Variants in NRXN1 observed in about 807,000 individuals in gnomAD.
NRXN1 encodes the protein neurexin-1.
NRXN1 carries 39 observed loss-of-function variants against 150.9 expected under a neutral mutation model. The ratio of observed to expected loss-of-function variants is 0.26; its 90% CI spans 0.20 to 0.34. NRXN1 has a LOEUF of 0.34. Among genes scored for constraint, NRXN1 ranks in the 10% least tolerant of loss-of-function variants. The pLI is 1.00. For missense variants in NRXN1, 1,815 were observed against 1,949.9 expected (o/e 0.93, Z 1.30); for synonymous variants, 924 against 757.0 (o/e 1.22, Z -3.62).
chr2:50,936,257 C>A (rs2104440461), intron 2 of NRXN1, among the ~76,000 whole-genome samples: 1 of 152,212 alleles, frequency 6.6e-6, no homozygotes, highest in South Asian at 2.1e-4. Context: ...TTTAGCCCAA[C>A]CCTGGTATTA....
chr2:50,235,595 A>C (rs1159224523), intron 18 of NRXN1, among the ~76,000 whole-genome samples: 1 of 152,118 alleles, frequency 6.6e-6, no homozygotes. Context: ...AGTTTGTGCT[A>C]ATGTACTTTG....
intron 5 of NRXN1, among the ~76,000 whole-genome samples, chr2:50,895,961 T>A (rs1249094136): frequency 1.3e-5 from 2 of 151,982 alleles, no homozygotes; most frequent in Non-Finnish European, 2.9e-5. Context: ...TCCACAACCC[T>A]CCAAAGCTCC....
intron 18 of NRXN1, among the ~76,000 whole-genome samples, chr2:50,221,961 T>G (rs565840923): frequency 1.3e-5 from 2 of 152,140 alleles, no homozygotes; most frequent in East Asian, 3.9e-4. Flanking sequence ...GTTGACAGTA[T>G]TAATACATTT....
At chr2:50,154,621 G>C (rs1014940172) in intron 18 of NRXN1, among the ~76,000 whole-genome samples, 1 of 151,562 alleles carries the variant, frequency 6.6e-6, no homozygotes, top group Admixed American at 6.6e-5. Context: ...CTTCAATAAA[G>C]AAAGGCTCCT....
At chr2:50,028,018 G>C (rs1056474248) in intron 21 of NRXN1, among the ~76,000 whole-genome samples, 11 of 151,856 alleles carry the variant, frequency 7.2e-5, no homozygotes, top group Admixed American at 6.6e-4. Flanking sequence ...CATAAGTACT[G>C]AGAGCACAGG....
rs1198920494 is a variant in NRXN1 at position 50,538,631 on chromosome 2, T to C, written c.1765A>G (p.Ile589Val). 1.3e-6 allele frequency: 2 copies of C among 1,483,220 alleles called. No individual in the cohort carries two copies. Among genetic ancestry groups the C allele is most frequent in the Non-Finnish European group, 1.8e-6 (2 of 1,114,428 alleles). 91.9% of individuals were successfully genotyped at this position (1,483,220 alleles called of 1,614,324 possible). Residue 589 changes from isoleucine (I) to valine (V), a missense_variant, in exon 10 of 23, where the codon ATT (isoleucine) becomes GTT (valine). Physicochemically the swap from Ile to Val is conservative, Grantham distance 29 (BLOSUM62 3). This residue lies in a region of NRXN1 where 638 missense variants were observed against 652.6 expected (regional missense o/e 0.98). Coordinates refer to ENST00000401669, the MANE Select transcript of NRXN1 (RefSeq NM_001330078.2). ...DFQRDGRSGTISVNTLRTPYT... is the reference protein window; with the variant it reads ...DFQRDGRSGTVSVNTLRTPYT... ...GGAGTACGCAACGTGTTGACAGAAA[T>C]GGTACCTATTTCAAAGAGAGGAGAA...
chr2:50,931,695 T>C lies in NRXN1; in HGVS notation c.773-5740A>G, dbSNP rs1255828153. Reference sequence around the variant, plus strand: ...AGAGCTCTTAGTTTTTCATTTTATATGGTGTTAAAAATTCACTGTATTTAC... The same window carrying C: ...AGAGCTCTTAGTTTTTCATTTTATACGGTGTTAAAAATTCACTGTATTTAC... On this transcript the variant is annotated intron_variant, in intron 2 of 22. Coordinates refer to ENST00000401669, the MANE Select transcript of NRXN1 (RefSeq NM_001330078.2). Among the ~76,000 whole-genome samples, 3 of 152,080 alleles carry C rather than the reference T, an allele frequency of 2.0e-5. No homozygotes were observed. In the East Asian group the frequency reaches 5.8e-4, roughly 29 times the overall value.
chr2:50,355,350 T>C (rs935288971), intron 17 of NRXN1, among the ~76,000 whole-genome samples: 2 of 151,368 alleles, frequency 1.3e-5, no homozygotes, highest in East Asian at 1.9e-4. Context: ...GTCAATACTA[T>C]AGATAAGTTG....
At chr2:50,971,383 G>T (rs1457323904) in intron 2 of NRXN1, among the ~76,000 whole-genome samples, 1 of 152,044 alleles carries the variant, frequency 6.6e-6, no homozygotes, top group East Asian at 1.9e-4. Flanking sequence ...AGGAGTTTGA[G>T]ACCAGCCTGG....
At position 50,920,809 on chromosome 2, in the gene NRXN1, C is replaced by A. The variant is rs181909278; in HGVS notation, c.832+1060G>T. Reference sequence around the variant, plus strand: ...GCTGCCAAAACCAAAACTGTGATAACCTATGTTGTTGGATCAAAGTATTCA... The same window carrying A: ...GCTGCCAAAACCAAAACTGTGATAAACTATGTTGTTGGATCAAAGTATTCA... On this transcript the variant is annotated intron_variant, in intron 5 of 22. Transcript: ENST00000401669. Among the ~76,000 whole-genome samples the A allele has an allele frequency of 3.8e-4, 57 of 151,786 alleles. 1 individual carries two copies. The highest frequency in any genetic ancestry group is 1.4e-3 in the Admixed American group (21 of 15,202).
intron 8 of NRXN1, among the ~76,000 whole-genome samples, chr2:50,591,414 A>AGATAGATG (rs1251834369): frequency 4.8e-5 from 7 of 146,864 alleles, no homozygotes; most frequent in Non-Finnish European, 7.6e-5. Context: ...ATAGATAGAT[A>AGATAGATG]GATAGATAGA....
At chr2:50,434,423 A>C (rs1251720431) in intron 17 of NRXN1, among the ~76,000 whole-genome samples, 2 of 152,050 alleles carry the variant, frequency 1.3e-5, no homozygotes, top group Non-Finnish European at 2.9e-5. Flanking sequence ...TCTTCACATG[A>C]CTTCATCTTG....
chr2:50,510,979 A>C (rs929263689), intron 12 of NRXN1, among the ~76,000 whole-genome samples: 1 of 152,210 alleles, frequency 6.6e-6, no homozygotes, highest in African/African-American at 2.4e-5. Context: ...ATGAAGTGCA[A>C]AGACATTAGA....
chr2:50,175,395 T>A (rs1382394857), intron 18 of NRXN1, among the ~76,000 whole-genome samples: 1 of 152,160 alleles, frequency 6.6e-6, no homozygotes, highest in African/African-American at 2.4e-5. Context: ...GAATTTGGTT[T>A]TCCTTTCCTT....
intron 18 of NRXN1, among the ~76,000 whole-genome samples, chr2:50,180,756 C>G (rs982598756): frequency 1.3e-5 from 2 of 152,110 alleles, no homozygotes; most frequent in African/African-American, 4.8e-5. Flanking sequence ...TAATTCTATT[C>G]TTTATAAACT....
intron 5 of NRXN1, among the ~76,000 whole-genome samples, chr2:50,697,470 T>G (rs1693086574): frequency 6.6e-6 from 1 of 152,172 alleles, no homozygotes; most frequent in African/African-American, 2.4e-5. Flanking sequence ...GAAATGGATT[T>G]TAATCAGACT....
chr2:50,743,997 T>C (rs887639464), intron 5 of NRXN1, among the ~76,000 whole-genome samples: 1 of 152,126 alleles, frequency 6.6e-6, no homozygotes, highest in East Asian at 1.9e-4. Flanking sequence ...ACTGTAATCC[T>C]TATAAACACC....
chr2:50,486,875 C>A (rs6725307), intron 15 of NRXN1, among the ~76,000 whole-genome samples: 27,260 of 151,932 alleles, frequency 0.18, 3,795 homozygotes, highest in East Asian at 0.39. Flanking sequence ...TTTTTATGAA[C>A]CCTTGAGCAT....
chr2:50,070,382 G>A (rs1696065767), intron 19 of NRXN1, among the ~76,000 whole-genome samples: 1 of 152,124 alleles, frequency 6.6e-6, no homozygotes, highest in Non-Finnish European at 1.5e-5. Context: ...AAACACCTGT[G>A]ATCATGGGAT....
Sources: allele counts gnomAD v4.1 joint callset (sites outside exome capture counted in the v4.1 genomes callset), GRCh38; gene constraint gnomAD v4.1.1; regional missense constraint gnomAD v4.1.1; transcripts MANE v1.5; gene names NCBI Gene and HGNC (gene_info 2026-07-23, HGNC 2026-07-21).